Variants in SGK3 observed in about 807,000 individuals in gnomAD.
SGK3 encodes the protein serum/glucocorticoid regulated kinase family member 3, also known as serine/threonine-protein kinase Sgk3.
SGK3 carries 47 observed loss-of-function variants against 68.5 expected under a neutral mutation model. The ratio of observed to expected loss-of-function variants is 0.69; its 90% confidence interval spans 0.54 to 0.87. SGK3 has a LOEUF of 0.87. Among genes scored for constraint, SGK3 ranks in the 40% least tolerant of loss-of-function variants. SGK3 has a pLI of 0.00. For missense variants in SGK3, 479 were observed against 575.5 expected (o/e 0.83, Z 1.72); for synonymous variants, 181 against 189.1 (o/e 0.96, Z 0.35).
chr8:66,829,990 A>G (rs1446183410), intron 7 of SGK3, among the ~76,000 whole-genome samples: 2 of 151,034 alleles, frequency 1.3e-5, no homozygotes, highest in East Asian at 3.9e-4. Context: ...GAGCCTTCTG[A>G]GTACCTGGGA....
intron 15 of SGK3, among the ~76,000 whole-genome samples, chr8:66,848,099 T>C (rs1810109261): frequency 6.6e-6 from 1 of 152,196 alleles, no homozygotes; most frequent in African/African-American, 2.4e-5. Flanking sequence ...TAAAAGACTT[T>C]GCTGCTACTG....
intron 5 of SGK3, among the ~76,000 whole-genome samples, chr8:66,816,544 C>T (rs1402937085): frequency 2.0e-5 from 3 of 151,932 alleles, no homozygotes; most frequent in Non-Finnish European, 4.4e-5. Context: ...CGGGATTTCA[C>T]CATGTTGGTC....
At chr8:66,857,696 T>C (rs1810569231) in intron 16 of SGK3, among the ~76,000 whole-genome samples, 1 of 151,916 alleles carries the variant, frequency 6.6e-6, no homozygotes, top group Admixed American at 6.6e-5. Context: ...GGCAGGATGA[T>C]CCCTTGAGCC....
chr8:66,857,092 C>CA (rs1052401692), intron 16 of SGK3, among the ~76,000 whole-genome samples: 8 of 149,656 alleles, frequency 5.3e-5, no homozygotes, highest in East Asian at 2.0e-4. Context: ...GATTCTGTCT[C>CA]AAAAAAAAAG....
chr8:66,736,439 A>G (rs912390255), intron 1 of SGK3, among the ~76,000 whole-genome samples: 5 of 152,022 alleles, frequency 3.3e-5, no homozygotes, highest in Non-Finnish European at 7.4e-5. Flanking sequence ...TTGGTGCTCA[A>G]TAAATGTCAG....
intron 5 of SGK3, among the ~76,000 whole-genome samples, chr8:66,817,439 A>AG (rs1808638206): frequency 6.6e-6 from 1 of 151,542 alleles, no homozygotes; most frequent in African/African-American, 2.4e-5. Context: ...CAAAAAAAAA[A>AG]CAAAAAAACA....
Position 66,793,709 on chromosome 8 carries a change from A to C in SGK3, c.-28A>C, listed in dbSNP as rs1563630537. The C allele has an allele frequency of 1.2e-6, 2 of 1,604,856 alleles. No homozygotes were observed. Among genetic ancestry groups the C allele is most frequent in the Non-Finnish European group, 1.7e-6 (2 of 1,174,982 alleles). The stretch of plus-strand genomic sequence containing the variant: ...CTCTGCTGACTGTTTCTTCGGATGC[A>C]TTTTTTGGTGTGCTCTTGAGGGATT... On this transcript the variant is annotated 5_prime_UTR_variant, in exon 2 of 17. Transcript: ENST00000521198.
chr8:66,837,084 A>G (rs1036792462), intron 10 of SGK3, among the ~76,000 whole-genome samples: 35 of 152,220 alleles, frequency 2.3e-4, no homozygotes, highest in Admixed American at 7.9e-4. Flanking sequence ...TACCTTCACA[A>G]CAATCTATAG....
At chr8:66,760,330 C>CTTTTTTTTTTTTTT (rs201559163) in intron 1 of SGK3, among the ~76,000 whole-genome samples, 45 of 115,634 alleles carry the variant, frequency 3.9e-4, no homozygotes, top group East Asian at 1.3e-3. Context: ...TTTCTTTTTT[C>CTTTTTTTTTTTTTT]TTTTTTTTTT....
intron 2 of SGK3, among the ~76,000 whole-genome samples, chr8:66,794,877 G>A (rs541059079): frequency 3.3e-5 from 5 of 152,186 alleles, no homozygotes; most frequent in African/African-American, 1.2e-4. Flanking sequence ...GGTAACCTGG[G>A]CATTTTGCTG....
chr8:66,841,088 C>G lies in SGK3; in HGVS notation c.956C>G (p.Thr319Ser). ...KEGIAISDTT[T>S]TFCGTPEYLA... Reference sequence around the variant, plus strand: ...GGAATTGCTATTTCTGACACCACTACCACATTTTGTGGGACACCAGAGGTA... The same window carrying G: ...GGAATTGCTATTTCTGACACCACTAGCACATTTTGTGGGACACCAGAGGTA... The change falls in exon 13 of 17, where the codon ACC becomes AGC. Residue 319 changes from threonine (T) to serine (S), a missense_variant. Thr to Ser is a moderately conservative substitution (Grantham distance 58, BLOSUM62 1). Coordinates refer to ENST00000521198, the MANE Select transcript of SGK3 (RefSeq NM_001033578.3). 6.3e-7 allele frequency: 1 copy of G among 1,593,156 alleles called. No individual in the cohort carries two copies. The highest frequency in any genetic ancestry group is 8.5e-7 in the Non-Finnish European group (1 of 1,170,120).
chr8:66,856,968 C>T (rs1810537293), intron 16 of SGK3, among the ~76,000 whole-genome samples: 1 of 152,110 alleles, frequency 6.6e-6, no homozygotes, highest in African/African-American at 2.4e-5. Context: ...TGGCACATAT[C>T]TGTAGTCCCA....
chr8:66,747,216 C>T (rs1173635643), intron 1 of SGK3, among the ~76,000 whole-genome samples: 3 of 152,060 alleles, frequency 2.0e-5, no homozygotes, highest in African/African-American at 7.2e-5. Flanking sequence ...GAAAGTTGTT[C>T]TCATGGTATT....
chr8:66,801,394 A>C (rs1807939867), intron 3 of SGK3, among the ~76,000 whole-genome samples: 1 of 152,196 alleles, frequency 6.6e-6, no homozygotes, highest in African/African-American at 2.4e-5. Context: ...AACAACAGCC[A>C]ATGAGAGTTT....
In SGK3 at chr8:66,811,884, A is replaced by G. The variant is rs183938577; in HGVS notation, c.254-1969A>G. Among the ~76,000 whole-genome samples, 141 of 152,338 alleles carry G rather than the reference A, an allele frequency of 9.3e-4. 1 individual carries two copies. The highest frequency in any genetic ancestry group is 2.4e-3 in the African/African-American group (99 of 41,568). On this transcript the variant is annotated intron_variant, in intron 4 of 16. Transcript: ENST00000521198. ...TTACAGTTTTTAATGTAAACTTCAC[A>G]TGTGCTTTGCTACCTAGTGACATTA... is the stretch of plus-strand genomic sequence containing the variant.
At chr8:66,723,276 A>T (rs1455482033) in intron 1 of SGK3, among the ~76,000 whole-genome samples, 3 of 149,494 alleles carry the variant, frequency 2.0e-5, no homozygotes, top group Non-Finnish European at 3.0e-5. Context: ...TGCTGTCTCT[A>T]CTAAAAATAC....
At chr8:66,757,998 T>TAC (rs201130112) in intron 1 of SGK3, among the ~76,000 whole-genome samples, 6,117 of 137,998 alleles carry the variant, frequency 0.044, 175 homozygotes, top group African/African-American at 0.094. Flanking sequence ...TGTATATATA[T>TAC]ACACACACAC....
intron 1 of SGK3, among the ~76,000 whole-genome samples, chr8:66,758,980 C>T (rs1471018039): frequency 6.6e-6 from 1 of 152,196 alleles, no homozygotes; most frequent in Admixed American, 6.5e-5. Flanking sequence ...GCACTCCCTC[C>T]AAAGACTCTA....
In SGK3 at chr8:66,759,649, TTTTG is replaced by T. The variant is rs113675222; in HGVS notation, c.-121-33938_-121-33935del. Among the ~76,000 whole-genome samples the T allele has an allele frequency of 1.9e-3, 290 of 151,604 alleles. 1 individual carries two copies. The highest frequency in any genetic ancestry group is 3.0e-3 in the Admixed American group (46 of 15,202). On this transcript the variant is annotated intron_variant, in intron 1 of 16. Transcript: ENST00000521198. ...GTTTCACCATTTTGGCCAGGATGGT[TTTTG>T]TTTGTTTGTTTGTTTGTTTGTTTGT...
Sources: allele counts gnomAD v4.1 joint callset (sites outside exome capture counted in the v4.1 genomes callset), GRCh38; gene constraint gnomAD v4.1.1; transcripts MANE v1.5; gene names NCBI Gene and HGNC (gene_info 2026-07-23, HGNC 2026-07-21).